Variants in MGAT5 observed in about 807,000 individuals in gnomAD.
MGAT5 encodes alpha-1,6-mannosylglycoprotein 6-beta-N-acetylglucosaminyltransferase A.
Under a neutral mutation model 94.3 loss-of-function variants are expected in MGAT5, and 30 were observed. The observed-to-expected ratio is 0.32, with a 90% CI of 0.24 to 0.43. The LOEUF is 0.43. Ranked by LOEUF, MGAT5 falls within the 20% of genes least tolerant of loss-of-function variation. The pLI is 1.00. For missense variants in MGAT5, 691 were observed against 905.5 expected (o/e 0.76, Z 3.04); for synonymous variants, 310 against 322.9 (o/e 0.96, Z 0.43).
intron 15 of MGAT5, among the ~76,000 whole-genome samples, chr2:134,445,097 A>G (rs532033651): frequency 1.3e-5 from 2 of 152,286 alleles, no homozygotes; most frequent in South Asian, 2.1e-4. Context: ...ATTATTGGCA[A>G]CTGGGGTTGC....
chr2:134,318,255 C>T (rs1000649946), intron 3 of MGAT5, among the ~76,000 whole-genome samples: 4 of 152,136 alleles, frequency 2.6e-5, no homozygotes, highest in African/African-American at 9.7e-5. Flanking sequence ...CCCTCCTTCA[C>T]GCACTGTATT....
At chr2:134,215,370 GT>G (rs1052213751) in intron 1 of MGAT5, among the ~76,000 whole-genome samples, 1 of 150,248 alleles carries the variant, frequency 6.7e-6, no homozygotes, top group African/African-American at 2.5e-5. Context: ...AGGTTTGTTT[GT>G]TTTTTTAGCT....
chr2:134,166,269 CTA>C (rs1280479979), intron 1 of MGAT5, among the ~76,000 whole-genome samples: 1 of 152,192 alleles, frequency 6.6e-6, no homozygotes. Flanking sequence ...AATGTAAGAA[CTA>C]TAGTGTGATA....
chr2:134,153,051 G>A (rs1244754035), intron 1 of MGAT5, among the ~76,000 whole-genome samples: 2 of 152,046 alleles, frequency 1.3e-5, no homozygotes, highest in Non-Finnish European at 2.9e-5. Flanking sequence ...CTATAGGCAT[G>A]TGCCACCACG....
intron 1 of MGAT5, among the ~76,000 whole-genome samples, chr2:134,134,692 C>T (rs1360517603): frequency 6.6e-6 from 1 of 152,118 alleles, no homozygotes; most frequent in Non-Finnish European, 1.5e-5. Flanking sequence ...GGCATATCAG[C>T]AATTTGGGGG....
At chr2:134,238,684 C>T (rs1048315208) in intron 1 of MGAT5, among the ~76,000 whole-genome samples, 2 of 152,214 alleles carry the variant, frequency 1.3e-5, no homozygotes, top group African/African-American at 4.8e-5. Context: ...TGGCTCACTC[C>T]TATAATCCCA....
chr2:134,376,018 G>C (rs1410392097), intron 10 of MGAT5, among the ~76,000 whole-genome samples: 1 of 152,186 alleles, frequency 6.6e-6, no homozygotes, highest in Non-Finnish European at 1.5e-5. Flanking sequence ...AATTAGTAGA[G>C]CAATGTACAG....
chr2:134,151,280 ATG>A (rs1687160008), intron 1 of MGAT5, among the ~76,000 whole-genome samples: 1 of 146,322 alleles, frequency 6.8e-6, no homozygotes, highest in African/African-American at 2.5e-5. Flanking sequence ...TCACTCACTC[ATG>A]CCCTGTGGGA....
At chr2:134,266,915 A>G (rs551810051) in intron 1 of MGAT5, among the ~76,000 whole-genome samples, 1 of 152,346 alleles carries the variant, frequency 6.6e-6, no homozygotes, top group South Asian at 2.1e-4. Flanking sequence ...TAGTAGGCTT[A>G]TATTCCGTCT....
At chr2:134,344,275 A>T (rs1160801035) in intron 7 of MGAT5, among the ~76,000 whole-genome samples, 1 of 151,950 alleles carries the variant, frequency 6.6e-6, no homozygotes, top group African/African-American at 2.4e-5. Flanking sequence ...AAGGGTGATT[A>T]AAAAAAACTG....
chr2:134,253,933 C>T (rs1682772762), upstream of MGAT5, among the ~76,000 whole-genome samples: 3 of 152,298 alleles, frequency 2.0e-5, no homozygotes, highest in South Asian at 4.1e-4. Context: ...TCCACCCTCC[C>T]CGTTTTTGCT....
intron 10 of MGAT5, among the ~76,000 whole-genome samples, chr2:134,373,320 A>T (rs933445858): frequency 1.3e-5 from 2 of 152,198 alleles, no homozygotes; most frequent in African/African-American, 4.8e-5. Flanking sequence ...GAGAAGTCAG[A>T]GGACCTGTGT....
rs372471751 is a variant in MGAT5, at chr2:134,224,444, G to A, written c.-142-29818G>A. ...CTAAAATGTTAAACCTTTAGTATCC[G>A]TGAATTTTGAGGGAGAAGAGTGTTT... On this transcript the variant is annotated intron_variant, in intron 1 of 16. Transcript: ENST00000409645. 1.0e-3 allele frequency among the ~76,000 whole-genome samples: 153 copies of A among 152,258 alleles called. 1 individual carries two copies. In the South Asian group the frequency reaches 0.012, roughly 12 times the overall value.
intron 1 of MGAT5, among the ~76,000 whole-genome samples, chr2:134,230,526 T>C (rs1681305884): frequency 6.6e-6 from 1 of 152,220 alleles, no homozygotes; most frequent in Admixed American, 6.5e-5. Context: ...AAATTGTAAA[T>C]GTTTGAGATG....
chr2:134,245,251 A>G (rs1184408989), intron 1 of MGAT5, among the ~76,000 whole-genome samples: 1 of 152,114 alleles, frequency 6.6e-6, no homozygotes, highest in Non-Finnish European at 1.5e-5. Flanking sequence ...CAACCTCGTG[A>G]TCCGCCCCCT....
intron 10 of MGAT5, among the ~76,000 whole-genome samples, chr2:134,367,687 G>A (rs890272809): frequency 6.6e-6 from 1 of 152,220 alleles, no homozygotes; most frequent in African/African-American, 2.4e-5. Flanking sequence ...GTTCTTGATT[G>A]TATTCTTCTG....
At chr2:134,215,518 G>C (rs57069714) in intron 1 of MGAT5, among the ~76,000 whole-genome samples, 1 of 152,138 alleles carries the variant, frequency 6.6e-6, no homozygotes, top group African/African-American at 2.4e-5. Flanking sequence ...CCAAACATGA[G>C]AAGGGATTTG....
At chr2:134,223,557 G>C (rs1479373311) in intron 1 of MGAT5, among the ~76,000 whole-genome samples, 1 of 152,014 alleles carries the variant, frequency 6.6e-6, no homozygotes, top group Non-Finnish European at 1.5e-5. Flanking sequence ...ATTATAATCT[G>C]CTACTTTCTA....
intron 4 of MGAT5, among the ~76,000 whole-genome samples, chr2:134,326,593 A>G (rs1687661613): frequency 6.6e-6 from 1 of 152,090 alleles, no homozygotes; most frequent in African/African-American, 2.4e-5. Flanking sequence ...CTGAGTGCCA[A>G]GAGCATTAAT....
Sources: allele counts gnomAD v4.1 joint callset (sites outside exome capture counted in the v4.1 genomes callset), GRCh38; gene constraint gnomAD v4.1.1; transcripts MANE v1.5; gene names NCBI Gene and HGNC (gene_info 2026-07-23, HGNC 2026-07-21).